RBFOX1: variants seen among roughly 807,000 people sequenced by gnomAD.
RBFOX1 encodes RNA binding protein fox-1 homolog 1.
In RBFOX1, 8 loss-of-function variants were observed where a neutral mutation model predicts 57.7. That is an observed-to-expected ratio of 0.14 (90% CI 0.08 to 0.25). The LOEUF (loss-of-function observed/expected upper bound fraction) is 0.25. RBFOX1 is among the 10% of genes least tolerant of loss of function. The pLI is 1.00. For missense variants in RBFOX1, 611 were observed against 548.5 expected (o/e 1.11, Z -1.14); for synonymous variants, 326 against 222.4 (o/e 1.47, Z -4.15).
At chr16:6,936,905 C>A (rs1016283542) in intron 3 of RBFOX1, among the ~76,000 whole-genome samples, 4 of 133,006 alleles carry the variant, frequency 3.0e-5, no homozygotes, top group African/African-American at 1.2e-4. Flanking sequence ...TGTGATGTTC[C>A]CCTTCCTGTG....
At chr16:7,435,498 A>G (rs1050631302) in intron 4 of RBFOX1, among the ~76,000 whole-genome samples, 19 of 152,196 alleles carry the variant, frequency 1.2e-4, no homozygotes, top group African/African-American at 4.3e-4. Context: ...GGAAATCACT[A>G]TGAGCAGTTG....
intron 9 of RBFOX1, among the ~76,000 whole-genome samples, chr16:7,601,846 G>A (rs1362741489): frequency 2.0e-5 from 3 of 152,034 alleles, no homozygotes; most frequent in African/African-American, 4.8e-5. Flanking sequence ...TATTTTAGAC[G>A]GAATTTAAAT....
intron 4 of RBFOX1, among the ~76,000 whole-genome samples, chr16:7,394,880 T>C (rs1045404654): frequency 6.6e-6 from 1 of 152,188 alleles, no homozygotes; most frequent in African/African-American, 2.4e-5. Context: ...CTTCCCACCC[T>C]CCTTGCCGTC....
chr16:7,646,712 C>T (rs1018555534), intron 11 of RBFOX1, among the ~76,000 whole-genome samples: 4 of 152,218 alleles, frequency 2.6e-5, no homozygotes, highest in Non-Finnish European at 5.9e-5. Flanking sequence ...TCGGGTTTTG[C>T]ATCTGCTACT....
At chr16:5,894,401 G>A (rs2058111551) in intron 4 of RBFOX1, among the ~76,000 whole-genome samples, 1 of 152,028 alleles carries the variant, frequency 6.6e-6, no homozygotes, top group South Asian at 2.1e-4. Flanking sequence ...TCTTGCCTCA[G>A]CCTCCCAAGT....
At chr16:6,238,009 T>G (rs1242706803) in intron 1 of RBFOX1, among the ~76,000 whole-genome samples, 1 of 147,896 alleles carries the variant, frequency 6.8e-6, no homozygotes, top group East Asian at 2.0e-4. Context: ...GAGAATGACT[T>G]GAACCTGGGA....
intron 3 of RBFOX1, among the ~76,000 whole-genome samples, chr16:6,790,181 T>TTATTATTAA (rs1254100497): frequency 1.4e-5 from 2 of 146,742 alleles, no homozygotes; most frequent in African/African-American, 5.0e-5. Context: ...ATTATTATTA[T>TTATTATTAA]TATTATTATT....
chr16:5,830,000 C>A (rs1421099182), intron 3 of RBFOX1, among the ~76,000 whole-genome samples: 5 of 152,152 alleles, frequency 3.3e-5, no homozygotes, highest in African/African-American at 7.2e-5. Context: ...TGCTTCCAGT[C>A]TCTTCGTTTG....
intron 3 of RBFOX1, among the ~76,000 whole-genome samples, chr16:5,830,098 C>T (rs775399877): frequency 1.8e-4 from 27 of 152,208 alleles, no homozygotes; most frequent in African/African-American, 4.8e-5. Context: ...GATTGTCTAG[C>T]ATCCATCTTG....
chr16:6,537,359 A>T (rs570083481), intron 2 of RBFOX1, among the ~76,000 whole-genome samples: 2 of 152,334 alleles, frequency 1.3e-5, no homozygotes, highest in African/African-American at 4.8e-5. Context: ...GAAATGAAAT[A>T]GCTTACAATT....
chr16:6,201,821 A>G (rs927340276), intron 1 of RBFOX1, among the ~76,000 whole-genome samples: 7 of 152,198 alleles, frequency 4.6e-5, no homozygotes, highest in African/African-American at 1.7e-4. Context: ...ATGATAATTA[A>G]AAATAAAGAA....
chr16:7,580,543 A>T (rs76344362), intron 6 of RBFOX1, among the ~76,000 whole-genome samples: 1,616 of 152,290 alleles, frequency 0.011, 16 homozygotes, highest in South Asian at 0.053. Context: ...AGAGGTACTT[A>T]CTGTGGTGCT....
At chr16:6,407,406 T>A (rs1461536019) in intron 2 of RBFOX1, among the ~76,000 whole-genome samples, 1 of 152,148 alleles carries the variant, frequency 6.6e-6, no homozygotes, top group Non-Finnish European at 1.5e-5. Flanking sequence ...TATTTGTCTT[T>A]GTGTGTATCT....
intron 3 of RBFOX1, among the ~76,000 whole-genome samples, chr16:5,617,252 C>G (rs1193896914): frequency 1.3e-5 from 2 of 152,204 alleles, no homozygotes; most frequent in East Asian, 1.9e-4. Context: ...TCTAACTTCC[C>G]TACCTGGAAA....
At chr16:6,546,980 C>A (rs947207193) in intron 2 of RBFOX1, among the ~76,000 whole-genome samples, 1 of 152,150 alleles carries the variant, frequency 6.6e-6, no homozygotes, top group South Asian at 2.1e-4. Flanking sequence ...AAGTAGGGCT[C>A]TTTTTCTTGA....
At chr16:7,118,469 C>T (rs529323574) in intron 4 of RBFOX1, among the ~76,000 whole-genome samples, 8 of 152,066 alleles carry the variant, frequency 5.3e-5, no homozygotes, top group East Asian at 1.9e-4. Context: ...AATTACCTAT[C>T]GGGTACAAGG....
chr16:5,315,174 G>A (rs1386798089), intron 1 of RBFOX1, among the ~76,000 whole-genome samples: 1 of 152,210 alleles, frequency 6.6e-6, no homozygotes, highest in Non-Finnish European at 1.5e-5. Context: ...TCTGTGGGCT[G>A]ATAGGGCAAA....
chr16:6,891,750 T>G (rs2065475998), intron 3 of RBFOX1, among the ~76,000 whole-genome samples: 1 of 152,188 alleles, frequency 6.6e-6, no homozygotes, highest in Non-Finnish European at 1.5e-5. Flanking sequence ...GAAGGTGCAA[T>G]CTGTCTTCAA....
chr16:5,632,808 G>C (rs1046023798), intron 3 of RBFOX1, among the ~76,000 whole-genome samples: 2 of 152,128 alleles, frequency 1.3e-5, no homozygotes, highest in African/African-American at 4.8e-5. Flanking sequence ...TGTGAGGTAG[G>C]TACTCTTCCA....
Sources: allele counts gnomAD v4.1 joint callset (sites outside exome capture counted in the v4.1 genomes callset), GRCh38; gene constraint gnomAD v4.1.1; transcripts MANE v1.5; gene names NCBI Gene and HGNC (gene_info 2026-07-23, HGNC 2026-07-21).